OTUD7B: variants seen among roughly 807,000 people sequenced by gnomAD.
The protein encoded by OTUD7B is OTU domain-containing protein 7B.
A neutral mutation model predicts 82.2 loss-of-function variants in OTUD7B; 34 were observed. The observed-to-expected ratio is 0.41, with a 90% CI of 0.31 to 0.55. The LOEUF is 0.55. Ranked by LOEUF, OTUD7B falls within the 20% of genes least tolerant of loss-of-function variation. The pLI, the probability that OTUD7B is intolerant of heterozygous loss-of-function variation, is 0.20. For synonymous variants in OTUD7B, 398 were observed against 402.7 expected (o/e 0.99, Z 0.14); for missense variants, 944 against 1,062.1 (o/e 0.89, Z 1.55).
At chr1:150,036,115 G>GTT in the OTUD7B span, among the ~76,000 whole-genome samples, 1 of 151,250 alleles carries the variant, frequency 6.6e-6, no homozygotes, top group Non-Finnish European at 1.5e-5. Flanking sequence ...ACCACACCTG[G>GTT]TTAATTTTTG....
intron 3 of OTUD7B, among the ~76,000 whole-genome samples, chr1:149,968,163 C>T (rs587610750): frequency 6.7e-6 from 1 of 149,974 alleles, no homozygotes; most frequent in East Asian, 2.0e-4. Flanking sequence ...ACTCGGGAGG[C>T]TGAGGTGGGA....
At chr1:150,041,613 C>T in the OTUD7B span, among the ~76,000 whole-genome samples, 2 of 152,162 alleles carry the variant, frequency 1.3e-5, no homozygotes, top group African/African-American at 2.4e-5. Flanking sequence ...GGAAAACAGG[C>T]GTGAGCCACT....
At chr1:149,993,382 T>A (rs1357533323) in intron 1 of OTUD7B, among the ~76,000 whole-genome samples, 1 of 152,300 alleles carries the variant, frequency 6.6e-6, no homozygotes, top group Non-Finnish European at 1.5e-5. Flanking sequence ...AGGGGATGCA[T>A]CAGCCAATAA....
At chr1:150,047,528 C>G in the OTUD7B span, among the ~76,000 whole-genome samples, 1 of 152,084 alleles carries the variant, frequency 6.6e-6, no homozygotes, top group Non-Finnish European at 1.5e-5. Context: ...ATTTCCATGG[C>G]TAGCACCTAA....
At chr1:150,053,972 C>G in the OTUD7B span, 2 of 393,306 alleles carry the variant, frequency 5.1e-6, no homozygotes, top group East Asian at 9.7e-5. Context: ...GGCTAAGAAG[C>G]CCAAGAACAG....
chr1:150,055,558 G>A, the OTUD7B span, among the ~76,000 whole-genome samples: 1 of 152,090 alleles, frequency 6.6e-6, no homozygotes, highest in African/African-American at 2.4e-5. Flanking sequence ...TATACCCAGA[G>A]GAATTCTACC....
upstream of OTUD7B, among the ~76,000 whole-genome samples, chr1:150,010,956 G>C (rs1553787270): frequency 6.6e-6 from 1 of 152,216 alleles, no homozygotes; most frequent in East Asian, 1.9e-4. Flanking sequence ...ACAGGAGTTG[G>C]AGGAGTACAG....
the OTUD7B span, among the ~76,000 whole-genome samples, chr1:150,017,999 C>T: frequency 6.6e-6 from 1 of 152,140 alleles, no homozygotes; most frequent in Non-Finnish European, 1.5e-5. Context: ...GTGGCTGTTC[C>T]CATGTTGCTT....
intron 7 of OTUD7B, among the ~76,000 whole-genome samples, chr1:149,954,520 T>C (rs1208309868): frequency 6.6e-6 from 1 of 152,190 alleles, no homozygotes; most frequent in Non-Finnish European, 1.5e-5. Flanking sequence ...TTTTTTGTTG[T>C]GTCTCTGCCA....
At chr1:150,041,770 T>G in the OTUD7B span, among the ~76,000 whole-genome samples, 1 of 152,170 alleles carries the variant, frequency 6.6e-6, no homozygotes, top group South Asian at 2.1e-4. Flanking sequence ...TTATTGTTTG[T>G]TTTTTATTTC....
chr1:149,979,520 T>C (rs1304791884), intron 1 of OTUD7B, among the ~76,000 whole-genome samples: 1 of 152,242 alleles, frequency 6.6e-6, no homozygotes, highest in Non-Finnish European at 1.5e-5. Context: ...CAGTTCACTA[T>C]AGCCTCATGA....
At chr1:150,031,448 A>G in the OTUD7B span, among the ~76,000 whole-genome samples, 1 of 152,232 alleles carries the variant, frequency 6.6e-6, no homozygotes, top group South Asian at 2.1e-4. Flanking sequence ...ATTTTCATTA[A>G]TAGAGAACAG....
At chr1:150,004,150 C>CT (rs1652494294) in intron 1 of OTUD7B, among the ~76,000 whole-genome samples, 1 of 152,140 alleles carries the variant, frequency 6.6e-6, no homozygotes, top group Admixed American at 6.6e-5. Flanking sequence ...CTCCACAACT[C>CT]TAACTCGGGC....
In OTUD7B at chr1:149,944,616, C is replaced by T. The variant is rs782564960; in HGVS notation, c.1773G>A (p.Glu591=). The T allele has an allele frequency of 1.2e-6, 2 of 1,614,108 alleles. No homozygotes were observed. Among genetic ancestry groups the T allele is most frequent in the Non-Finnish European group, 1.7e-6 (2 of 1,180,028 alleles). The change falls in exon 12 of 12, where the codon GAG becomes GAA. Residue 591 remains glutamate (E), a synonymous_variant. Coordinates refer to ENST00000581312, the MANE Select transcript of OTUD7B (RefSeq NM_020205.4). The part of the protein sequence containing the change: ...VGNGGSKYSQ[E]VMQSLSILRT... ...TCAGAATGCTCAGGCTCTGCATCAC[C>T]TCCTGGCTATACTTGCTCCCTCCGT...
chr1:149,977,932 C>T (rs1650438066), intron 1 of OTUD7B, among the ~76,000 whole-genome samples: 1 of 152,168 alleles, frequency 6.6e-6, no homozygotes, highest in African/African-American at 2.4e-5. Context: ...TAACATGGCA[C>T]CTTTGTGTAT....
the OTUD7B span, among the ~76,000 whole-genome samples, chr1:150,032,061 A>G: frequency 1.3e-5 from 2 of 149,246 alleles, no homozygotes; most frequent in African/African-American, 2.5e-5. Flanking sequence ...CTGTAATCCC[A>G]GCACTTTGGG....
intron 1 of OTUD7B, among the ~76,000 whole-genome samples, chr1:149,997,101 A>G (rs1321089426): frequency 3.9e-5 from 6 of 152,216 alleles, no homozygotes; most frequent in Non-Finnish European, 5.9e-5. Flanking sequence ...GAAATTAAAT[A>G]ACAGTGCCAG....
chr1:150,038,709 A>G, the OTUD7B span, among the ~76,000 whole-genome samples: 2 of 152,226 alleles, frequency 1.3e-5, no homozygotes, highest in African/African-American at 4.8e-5. Flanking sequence ...CTTAATTTTT[A>G]TTATGCATTC....
chr1:149,949,246 C>T (rs782380841), intron 9 of OTUD7B, among the ~76,000 whole-genome samples, 163 bp from the exon 10 acceptor site: 10 of 152,166 alleles, frequency 6.6e-5, no homozygotes, highest in Non-Finnish European at 1.0e-4. Flanking sequence ...CTAGTTTTCC[C>T]GCTACCACGC....
Sources: allele counts gnomAD v4.1 joint callset (sites outside exome capture counted in the v4.1 genomes callset), GRCh38; gene constraint gnomAD v4.1.1; transcripts MANE v1.5; gene names NCBI Gene and HGNC (gene_info 2026-07-23, HGNC 2026-07-21).